DCT: variants seen among roughly 807,000 people sequenced by gnomAD.
DCT encodes the protein L-dopachrome tautomerase.
A neutral mutation model predicts 53.0 loss-of-function variants in DCT; 47 were observed. The observed-to-expected ratio is 0.89, with a 90% CI of 0.70 to 1.13. The LOEUF is 1.13. Among genes scored for constraint, DCT ranks in the 50% most tolerant of loss-of-function variants. The pLI is 0.00. For synonymous variants in DCT, 244 were observed against 237.0 expected (o/e 1.03, Z -0.27); for missense variants, 669 against 637.4 (o/e 1.05, Z -0.53).
chr13:94,474,585 G>C (rs1884958878), intron 1 of DCT, among the ~76,000 whole-genome samples: 1 of 152,136 alleles, frequency 6.6e-6, no homozygotes. Context: ...AAACTATTTG[G>C]TGCGCAAGTT....
intron 6 of DCT, 111 bp from the exon 7 acceptor site, chr13:94,443,748 C>G: frequency 1.2e-6 from 1 of 850,054 alleles, no homozygotes; most frequent in East Asian, 2.7e-5. Flanking sequence ...ATAGGAACTT[C>G]TGTATACCCA....
At chr13:94,453,132 A>G (rs776156058) in intron 6 of DCT, among the ~76,000 whole-genome samples, 1 of 152,134 alleles carries the variant, frequency 6.6e-6, no homozygotes, top group Non-Finnish European at 1.5e-5. Context: ...TCTGAATCCA[A>G]TTATAAGTAA....
the DCT span, among the ~76,000 whole-genome samples, chr13:94,505,600 G>A: frequency 1.3e-5 from 2 of 152,196 alleles, no homozygotes; most frequent in Non-Finnish European, 2.9e-5. Flanking sequence ...AGGAAGACCG[G>A]GAGGATACCA....
At chr13:94,504,119 G>A in the DCT span, among the ~76,000 whole-genome samples, 1 of 152,186 alleles carries the variant, frequency 6.6e-6, no homozygotes, top group East Asian at 1.9e-4. Flanking sequence ...GCTGAAAAGT[G>A]GTGCAATCCT....
chr13:94,455,706 T>G (rs1013238202), intron 6 of DCT, among the ~76,000 whole-genome samples: 5 of 152,152 alleles, frequency 3.3e-5, no homozygotes, highest in Admixed American at 3.3e-4. Flanking sequence ...AGCAGGCTTG[T>G]TCAAAAGAAG....
chr13:94,541,434 G>T, the DCT span, among the ~76,000 whole-genome samples: 1 of 151,888 alleles, frequency 6.6e-6, no homozygotes, highest in Admixed American at 6.6e-5. Flanking sequence ...AACCCAAGAG[G>T]CAGAGGTTGC....
chr13:94,456,908 T>C (rs1463611368), intron 6 of DCT, among the ~76,000 whole-genome samples: 1 of 152,214 alleles, frequency 6.6e-6, no homozygotes, highest in East Asian at 1.9e-4. Context: ...GGCCCGAGGA[T>C]CACTTGAGGT....
Position 94,479,463 on chromosome 13 carries a change from T to G in DCT, c.-208A>C. 2.0e-6 allele frequency: 1 copy of G among 501,794 alleles called. No homozygotes were observed. The highest frequency in any genetic ancestry group is 3.4e-6 in the Non-Finnish European group (1 of 289,902). 31.1% of individuals were successfully genotyped at this position (501,794 alleles called of 1,614,324 possible). A position where few individuals can be genotyped will look rare whatever the true frequency, so the allele number is the denominator to read the frequency against. ...GTACATGAACGTGCACACACAATTT[T>G]ATGTGATTCAAACAACTAACAGACT... is the stretch of plus-strand genomic sequence containing the variant. On this transcript the variant is annotated 5_prime_UTR_variant, in exon 1 of 8. Transcript: ENST00000377028.
the DCT span, among the ~76,000 whole-genome samples, chr13:94,509,027 C>T: frequency 6.6e-6 from 1 of 152,120 alleles, no homozygotes; most frequent in Admixed American, 6.5e-5. Flanking sequence ...CTGAATCAGA[C>T]CCTACTGAGA....
the DCT span, among the ~76,000 whole-genome samples, chr13:94,536,433 C>A: frequency 2.0e-5 from 3 of 152,138 alleles, no homozygotes; most frequent in African/African-American, 7.2e-5. Context: ...TAAATGTGAT[C>A]CCCAGTGTTG....
At chr13:94,501,291 A>T in the DCT span, among the ~76,000 whole-genome samples, 54 of 152,190 alleles carry the variant, frequency 3.5e-4, no homozygotes, top group African/African-American at 1.3e-3. Context: ...AAATTAATTA[A>T]TTAAAAATAA....
At chr13:94,504,492 T>C in the DCT span, among the ~76,000 whole-genome samples, 3 of 152,134 alleles carry the variant, frequency 2.0e-5, no homozygotes, top group Non-Finnish European at 4.4e-5. Flanking sequence ...CTCAGCCTCC[T>C]GAGTAGCTGG....
chr13:94,444,414 C>T (rs757152016), intron 6 of DCT: 1 of 517,118 alleles, frequency 1.9e-6, no homozygotes, highest in Non-Finnish European at 3.9e-6. Context: ...TGAATTCTTG[C>T]TGTTATGCCA....
intron 6 of DCT, among the ~76,000 whole-genome samples, chr13:94,449,292 T>A (rs1200404767): frequency 6.6e-6 from 1 of 152,182 alleles, no homozygotes; most frequent in East Asian, 1.9e-4. Flanking sequence ...AAAGTTACTA[T>A]CAAAGGGCCT....
At chr13:94,454,652 A>C (rs1234824661) in intron 6 of DCT, among the ~76,000 whole-genome samples, 1 of 152,098 alleles carries the variant, frequency 6.6e-6, no homozygotes, top group African/African-American at 2.4e-5. Flanking sequence ...GCTTGGAGAG[A>C]TTTCACAAAA....
chr13:94,441,107 G>A (rs1882278146), intron 7 of DCT, among the ~76,000 whole-genome samples: 1 of 152,034 alleles, frequency 6.6e-6, no homozygotes, highest in Admixed American at 6.6e-5. Context: ...CCTAATATAA[G>A]ATTCTCTTTC....
the DCT span, among the ~76,000 whole-genome samples, chr13:94,492,733 G>A: frequency 1.3e-5 from 2 of 152,056 alleles, no homozygotes; most frequent in South Asian, 2.1e-4. Context: ...ACACAAAGAT[G>A]TACAGAAAAG....
the DCT span, among the ~76,000 whole-genome samples, chr13:94,493,419 GC>G: frequency 6.6e-6 from 1 of 152,178 alleles, no homozygotes; most frequent in Non-Finnish European, 1.5e-5. Context: ...GGTAGGTATG[GC>G]TGTGAGAAAG....
rs946209947 is a variant in DCT, at chr13:94,438,763, C to A, written c.*1135G>T. On this transcript the variant is annotated 3_prime_UTR_variant, in exon 8 of 8. Coordinates refer to ENST00000377028, the MANE Select transcript of DCT (RefSeq NM_001922.5). ...CTGATGATTGCATAGCAGAATATAA[C>A]CACTTAATTCTGAATTGTCATGTTT... 3.2e-5 allele frequency: 13 copies of A among 405,848 alleles called. No homozygotes were observed. Among genetic ancestry groups the A allele is most frequent in the African/African-American group, 2.7e-4 (13 of 48,546 alleles). 25.1% of individuals were successfully genotyped at this position (405,848 alleles called of 1,614,324 possible).
Sources: allele counts gnomAD v4.1 joint callset (sites outside exome capture counted in the v4.1 genomes callset), GRCh38; gene constraint gnomAD v4.1.1; transcripts MANE v1.5; gene names NCBI Gene and HGNC (gene_info 2026-07-23, HGNC 2026-07-21).